The following NOTO variants were observed in gnomAD, a reference collection of about 807,000 sequenced individuals.
NOTO encodes homeobox protein notochord.
Under a neutral mutation model 20.5 loss-of-function variants are expected in NOTO, and 19 were observed. That is an observed-to-expected ratio of 0.93 (90% confidence interval 0.65 to 1.36). The LOEUF (loss-of-function observed/expected upper bound fraction) is 1.36, where lower values mean the gene tolerates loss of function less well. NOTO is among the 40% of genes most tolerant of loss of function. NOTO has a pLI of 0.00. For synonymous variants in NOTO, 150 were observed against 150.2 expected, an observed-to-expected ratio of 1.00 and a Z score of 0.01; for missense variants, 369 against 336.2, an observed-to-expected ratio of 1.10 and a Z score of -0.76.
intron 1 of NOTO, among the ~76,000 whole-genome samples, chr2:73,207,730 T>G (rs1268332723): frequency 6.6e-6 from 1 of 152,102 alleles, no homozygotes; most frequent in African/African-American, 2.4e-5. Context: ...AATTTTTGTA[T>G]TTTTAGTAGA....
rs778385582 is a variant in NOTO, at chr2:73,210,950, G to A, written c.*21G>A. 3.2e-6 allele frequency: 5 copies of A among 1,541,340 alleles called. No individual in the cohort carries two copies. Among genetic ancestry groups the A allele is most frequent in the East Asian group, 2.5e-5 (1 of 40,572 alleles). On this transcript the variant is annotated 3_prime_UTR_variant, in exon 3 of 3. Transcript: ENST00000398468. ...GCTGAAGACTGGGACAGAGGCCCTA[G>A]CCAGGCTGCCTGGACTAGTTCCTCC... is the stretch of plus-strand genomic sequence containing the variant.
chr2:73,211,055 G>A lies in NOTO; in HGVS notation c.*126G>A. The A allele has an allele frequency of 1.4e-6, 1 of 712,008 alleles. No individual in the cohort carries two copies. The highest frequency in any genetic ancestry group is 2.3e-6 in the Non-Finnish European group (1 of 440,166). 44.1% of individuals were successfully genotyped at this position (712,008 alleles called of 1,614,324 possible). ...CCAGAAGAATCTGAGCTGTCAAGCA[G>A]GGACCCCCTTTTCTATACTGATTCC... On this transcript the variant is annotated 3_prime_UTR_variant, in exon 3 of 3. Transcript: ENST00000398468.
chr2:73,209,626 C>T (rs572519745), intron 2 of NOTO, among the ~76,000 whole-genome samples: 3 of 152,252 alleles, frequency 2.0e-5, no homozygotes, highest in South Asian at 2.1e-4. Context: ...TTGGGGACCT[C>T]GAAATCTCTT....
Position 73,204,691 on chromosome 2 carries a change from T to C in NOTO, c.382+1643T>C, listed in dbSNP as rs575655780. Among the ~76,000 whole-genome samples the C allele has an allele frequency of 2.0e-5, 3 of 152,048 alleles. No individual in the cohort carries two copies. The South Asian group carries it at 6.3e-4, about 32-fold the overall frequency. On this transcript the variant is annotated intron_variant, in intron 1 of 2. Coordinates refer to ENST00000398468, the MANE Select transcript of NOTO (RefSeq NM_001134462.2). The stretch of plus-strand genomic sequence containing the variant: ...TACAGTTGCCTCATTTTCAAGTTAG[T>C]TGTTTTCTTTTGTTCTGTTTTGTTT...
Position 73,202,577 on chromosome 2 carries a change from A to C in NOTO, c.-90A>C. On this transcript the variant is annotated 5_prime_UTR_variant, in exon 1 of 3. Transcript: ENST00000398468. The stretch of plus-strand genomic sequence containing the variant: ...CTTCGCCGAGCGCCAGGAGGTTCCC[A>C]GACAACCGGTCTTGCTCGCTGCCTT... 7.8e-7 allele frequency: 1 copy of C among 1,285,058 alleles called. No homozygotes were observed. The highest frequency in any genetic ancestry group is 1.0e-6 in the Non-Finnish European group (1 of 986,032). 79.6% of individuals were successfully genotyped at this position (1,285,058 alleles called of 1,614,324 possible).
At chr2:73,209,174 C>CA (rs1214608418) in intron 2 of NOTO, among the ~76,000 whole-genome samples, 2,321 of 52,664 alleles carry the variant, frequency 0.044, 82 homozygotes, top group African/African-American at 0.1. Context: ...GAGCCCGTCT[C>CA]AAAAAAAAAA....
intron 2 of NOTO, among the ~76,000 whole-genome samples, 190 bp downstream of exon 2, chr2:73,208,804 T>C (rs1332408288): frequency 2.0e-5 from 3 of 152,142 alleles, no homozygotes; most frequent in East Asian, 3.8e-4. Context: ...AGTCACATAA[T>C]GTGAACAACT....
rs1686175525 is a variant in NOTO, at chr2:73,211,209, CCCAGG to C, written c.*281_*285del. 2.0e-5 allele frequency: 7 copies of C among 357,358 alleles called. No homozygotes were observed. The highest frequency in any genetic ancestry group is 3.6e-5 in the Non-Finnish European group (7 of 197,010). 22.1% of individuals were successfully genotyped at this position (357,358 alleles called of 1,614,324 possible). A position where few individuals can be genotyped will look rare whatever the true frequency, so the allele number is the denominator to read the frequency against. ...ATGGGTGCATTCATAACTTAGATCA[CCCAGG>C]GGTGAGAAGATGTCTGTAAAGCAAT... On this transcript the variant is annotated 3_prime_UTR_variant, in exon 3 of 3. Coordinates refer to ENST00000398468, the MANE Select transcript of NOTO (RefSeq NM_001134462.2).
chr2:73,203,034 G>A lies in NOTO; in HGVS notation c.368G>A (p.Gly123Asp). 7.1e-7 allele frequency: 1 copy of A among 1,400,806 alleles called. No individual in the cohort carries two copies. Among genetic ancestry groups the A allele is most frequent in the Non-Finnish European group, 9.3e-7 (1 of 1,080,304 alleles). 86.8% of individuals were successfully genotyped at this position (1,400,806 alleles called of 1,614,324 possible). A position where few individuals can be genotyped will look rare whatever the true frequency, so the allele number is the denominator to read the frequency against. The change falls in exon 1 of 3, where the codon GGC (glycine) becomes GAC (aspartate). Residue 123 changes from glycine (G) to aspartate (D), a missense_variant. Transcript: ENST00000398468. The stretch of plus-strand genomic sequence containing the variant: ...GTGGCTCCCGTCTGCGGCCTGCTGG[G>A]CTTCGGCGTCACAGGTACTGCGGTC... ...PRVAPVCGLLGFGVTGLELAH... is the reference protein window; with the variant it reads ...PRVAPVCGLLDFGVTGLELAH...
At chr2:73,205,581 G>T (rs552140924) in intron 1 of NOTO, among the ~76,000 whole-genome samples, 1 of 152,112 alleles carries the variant, frequency 6.6e-6, no homozygotes, top group Admixed American at 6.6e-5. Context: ...TTTGATTATG[G>T]CGGTATTCTT....
chr2:73,209,084 A>G (rs1192005900), intron 2 of NOTO, among the ~76,000 whole-genome samples: 1 of 150,700 alleles, frequency 6.6e-6, no homozygotes, highest in Non-Finnish European at 1.5e-5. Flanking sequence ...CCGATGCAGG[A>G]GAATCGCTTG....
Position 73,202,581 on chromosome 2 carries a change from A to C in NOTO, c.-86A>C, listed in dbSNP as rs1432641209. ...GCCGAGCGCCAGGAGGTTCCCAGAC[A>C]ACCGGTCTTGCTCGCTGCCTTTTGC... On this transcript the variant is annotated 5_prime_UTR_variant, in exon 1 of 3. Transcript: ENST00000398468. 2 of 1,291,734 alleles carry C rather than the reference A, an allele frequency of 1.5e-6. No individual in the cohort carries two copies. The highest frequency in any genetic ancestry group is 2.0e-6 in the Non-Finnish European group (2 of 992,212). The allele number at this position is 1,291,734 out of a possible 1,614,324, so 80.0% of individuals were successfully genotyped here. A position where few individuals can be genotyped will look rare whatever the true frequency, so the allele number is the denominator to read the frequency against.
Position 73,202,886 on chromosome 2 carries a change from G to T in NOTO, c.220G>T (p.Val74Phe). 6.5e-7 allele frequency: 1 copy of T among 1,527,904 alleles called. No homozygotes were observed. The highest frequency in any genetic ancestry group is 8.8e-7 in the Non-Finnish European group (1 of 1,142,424). 94.6% of individuals were successfully genotyped at this position (1,527,904 alleles called of 1,614,324 possible). A position where few individuals can be genotyped will look rare whatever the true frequency, so the allele number is the denominator to read the frequency against. ...CTCCCAGCCGTCGGGCTCCGCCTGC[G>T]TCCACCCGGCCTTCTGGACCGCTGC... The part of the protein sequence containing the change: ...AASQPSGSAC[V>F]HPAFWTAASL... The change falls in exon 1 of 3, where the codon GTC becomes TTC. Residue 74 changes from valine to phenylalanine, a missense_variant. By Grantham distance (50) the Val-to-Phe change is conservative. Transcript: ENST00000398468.
Position 73,202,967 on chromosome 2 carries a change from G to A in NOTO, c.301G>A (p.Ala101Thr), listed in dbSNP as rs745707352. The change falls in exon 1 of 3, where the codon GCC becomes ACC. Residue 101 changes from alanine to threonine, a missense_variant. Coordinates refer to ENST00000398468, the MANE Select transcript of NOTO (RefSeq NM_001134462.2). ...GGCTTGCCCGACATCGTGGCTGCCC[G>A]CCTACCTGAGCGTAGGTTTTTACCC... ...PWACPTSWLP[A>T]YLSVGFYPVP... The A allele has an allele frequency of 2.0e-6, 3 of 1,508,738 alleles. No individual in the cohort carries two copies. The highest frequency in any genetic ancestry group is 2.6e-6 in the Non-Finnish European group (3 of 1,132,296). The allele number at this position is 1,508,738 out of a possible 1,614,324, so 93.5% of individuals were successfully genotyped here.
At chr2:73,208,745 CCTGA>C in intron 2 of NOTO, 131 bp downstream of exon 2, 1 of 640,930 alleles carries the variant, frequency 1.6e-6, no homozygotes, top group Non-Finnish European at 2.7e-6. Context: ...GGGGACAGGC[CCTGA>C]CTTTTTGCAC....
Position 73,210,908 on chromosome 2 carries a change from C to A in NOTO, c.735C>A (p.Ala245=), listed in dbSNP as rs756186839. The change falls in exon 3 of 3, where the codon GCC becomes GCA. Residue 245 remains alanine (A), a synonymous_variant. Transcript: ENST00000398468. ...SSIASIQSDD[A]ESGVDG is the part of the protein sequence containing the mutation. ...TCGCCAGTATCCAGAGTGATGATGCCGAGTCAGGAGTGGACGGCTGAAGAC... is the reference window on the plus strand; with the variant it reads ...TCGCCAGTATCCAGAGTGATGATGCAGAGTCAGGAGTGGACGGCTGAAGAC... 2 of 1,551,238 alleles carry A rather than the reference C, an allele frequency of 1.3e-6. No homozygotes were observed. The highest frequency in any genetic ancestry group is 2.4e-5 in the South Asian group (2 of 83,978).
intron 1 of NOTO, among the ~76,000 whole-genome samples, chr2:73,206,271 A>G (rs1319571606): frequency 6.6e-6 from 1 of 152,144 alleles, no homozygotes; most frequent in Non-Finnish European, 1.5e-5. Flanking sequence ...TATAATAACC[A>G]TTGACTTTCT....
intron 1 of NOTO, among the ~76,000 whole-genome samples, chr2:73,206,744 C>T (rs1191975625): frequency 1.3e-5 from 2 of 149,916 alleles, no homozygotes; most frequent in African/African-American, 4.9e-5. Context: ...GCCCAAGGTC[C>T]TCTGGCTGGT....
intron 1 of NOTO, among the ~76,000 whole-genome samples, chr2:73,203,575 C>T (rs1223594732): frequency 2.0e-5 from 3 of 152,184 alleles, no homozygotes; most frequent in African/African-American, 7.2e-5. Flanking sequence ...CCACTGCTCA[C>T]GTCTGTGAAC....
Sources: allele counts gnomAD v4.1 joint callset (sites outside exome capture counted in the v4.1 genomes callset), GRCh38; gene constraint gnomAD v4.1.1; transcripts MANE v1.5; gene names NCBI Gene and HGNC (gene_info 2026-07-23, HGNC 2026-07-21).